ZNF609: variants seen among roughly 807,000 people sequenced by gnomAD.
ZNF609 encodes zinc finger protein 609.
ZNF609 carries 11 observed loss-of-function variants against 109.5 expected under a neutral mutation model. The ratio of observed to expected loss-of-function variants is 0.10; its 90% confidence interval spans 0.06 to 0.17. The LOEUF is 0.17. Ranked by LOEUF, ZNF609 falls within the 10% of genes least tolerant of loss-of-function variation. ZNF609 has a pLI of 1.00. For missense variants in ZNF609, 1,559 were observed against 1,772.4 expected (o/e 0.88, Z 2.16); for synonymous variants, 646 against 662.0 (o/e 0.98, Z 0.37).
chr15:64,481,943 C>G (rs191371274), intron 1 of ZNF609, among the ~76,000 whole-genome samples: 1 of 151,982 alleles, frequency 6.6e-6, no homozygotes, highest in African/African-American at 2.4e-5. Flanking sequence ...CGCCACCACA[C>G]CTGGCTAATT....
chr15:64,563,305 C>G (rs1187424025), intron 2 of ZNF609, among the ~76,000 whole-genome samples: 1 of 142,746 alleles, frequency 7.0e-6, no homozygotes, highest in African/African-American at 2.7e-5. Flanking sequence ...CAGAAATTAG[C>G]CAGGTGTGGT....
At chr15:64,508,669 C>T (rs1893669917) in intron 2 of ZNF609, among the ~76,000 whole-genome samples, 1 of 150,536 alleles carries the variant, frequency 6.6e-6, no homozygotes, top group Admixed American at 6.6e-5. Flanking sequence ...AAACTCTAGG[C>T]TTGAGACCCA....
At chr15:64,544,321 A>G (rs1051277746) in intron 2 of ZNF609, among the ~76,000 whole-genome samples, 1 of 152,222 alleles carries the variant, frequency 6.6e-6, no homozygotes, top group Non-Finnish European at 1.5e-5. Flanking sequence ...CCTGGGTGAC[A>G]GAGTGAGACT....
intron 2 of ZNF609, chr15:64,500,758 A>G (rs1893550376): frequency 3.6e-6 from 1 of 278,174 alleles, no homozygotes; most frequent in Non-Finnish European, 6.8e-6. Flanking sequence ...AGATCTTATG[A>G]GTTATTGTTG....
At chr15:64,666,959 C>A (rs2141008842) in intron 3 of ZNF609, among the ~76,000 whole-genome samples, 1 of 152,174 alleles carries the variant, frequency 6.6e-6, no homozygotes, top group South Asian at 2.1e-4. Context: ...AACCCTGTCT[C>A]TACTAAAAAA....
intron 2 of ZNF609, among the ~76,000 whole-genome samples, chr15:64,594,311 G>A (rs1895353452): frequency 2.0e-5 from 3 of 151,996 alleles, no homozygotes; most frequent in African/African-American, 7.3e-5. Flanking sequence ...ACCAGAAAAG[G>A]CGAAGACTTG....
At chr15:64,541,007 G>A (rs1194752258) in intron 2 of ZNF609, among the ~76,000 whole-genome samples, 1 of 128,702 alleles carries the variant, frequency 7.8e-6, no homozygotes, top group Non-Finnish European at 1.6e-5. Flanking sequence ...CAGCCTGGGC[G>A]ACAGAGTAAG....
At chr15:64,676,341 G>T (rs1446562457) in intron 5 of ZNF609, 85 bp downstream of exon 5, 5 of 1,306,056 alleles carry the variant, frequency 3.8e-6, no homozygotes, top group African/African-American at 2.9e-5. Flanking sequence ...TTATACAGGG[G>T]TTCAACGGAA....
intron 3 of ZNF609, among the ~76,000 whole-genome samples, chr15:64,625,914 A>AATAT (rs1330194907): frequency 5.8e-4 from 60 of 103,040 alleles, no homozygotes; most frequent in South Asian, 1.5e-3. Flanking sequence ...AAAAAAAAAA[A>AATAT]ATATATATAT....
intron 3 of ZNF609, among the ~76,000 whole-genome samples, chr15:64,628,283 G>A (rs898909304): frequency 5.3e-5 from 8 of 151,820 alleles, no homozygotes; most frequent in African/African-American, 1.9e-4. Flanking sequence ...GCTGGGTGAC[G>A]GAGTGAGACC....
At chr15:64,645,862 AT>A (rs1896327240) in intron 3 of ZNF609, among the ~76,000 whole-genome samples, 1 of 152,236 alleles carries the variant, frequency 6.6e-6, no homozygotes, top group Non-Finnish European at 1.5e-5. Context: ...GATGGTTGTT[AT>A]CAAAAATGTG....
At chr15:64,577,784 A>G (rs969273395) in intron 2 of ZNF609, among the ~76,000 whole-genome samples, 3 of 151,094 alleles carry the variant, frequency 2.0e-5, no homozygotes, top group East Asian at 1.9e-4. Flanking sequence ...GCTTGAACCC[A>G]GGAGTCAGAG....
At chr15:64,595,024 G>A (rs1211710722) in intron 2 of ZNF609, among the ~76,000 whole-genome samples, 29 of 145,862 alleles carry the variant, frequency 2.0e-4, no homozygotes, top group Admixed American at 2.8e-4. Flanking sequence ...AAAGAAAAAA[G>A]AAAAGAATGT....
chr15:64,625,928 TATATATATAGAGAG>T (rs1379186235), intron 3 of ZNF609, among the ~76,000 whole-genome samples: 67 of 73,596 alleles, frequency 9.1e-4, no homozygotes, highest in Admixed American at 1.2e-3. Flanking sequence ...TATATATATA[TATATATATAGAGAG>T]AGAGAGAGAG....
At chr15:64,652,699 T>C (rs1392667558) in intron 3 of ZNF609, among the ~76,000 whole-genome samples, 1 of 152,170 alleles carries the variant, frequency 6.6e-6, no homozygotes, top group Admixed American at 6.6e-5. Flanking sequence ...ACACTTGGCT[T>C]ATTTTTTAAA....
At chr15:64,643,533 G>A (rs563638021) in intron 3 of ZNF609, among the ~76,000 whole-genome samples, 1 of 152,048 alleles carries the variant, frequency 6.6e-6, no homozygotes, top group African/African-American at 2.4e-5. Flanking sequence ...ATCATTTAGT[G>A]GTGGTTAAAA....
rs2141024271 is a variant in ZNF609, at chr15:64,686,066, A to G, written c.*4380A>G. The stretch of plus-strand genomic sequence containing the variant: ...TAAAGTTTTTAATGTCCCTGTTCTT[A>G]AATTTAGACTTAGTTTGCCTTTCAC... On this transcript the variant is annotated 3_prime_UTR_variant, in exon 10 of 10. Transcript: ENST00000326648. The G allele has an allele frequency of 6.6e-6, 1 of 152,184 alleles. No individual in the cohort carries two copies. Among genetic ancestry groups the G allele is most frequent in the African/African-American group, 2.4e-5 (1 of 41,534 alleles). 9.4% of individuals were successfully genotyped at this position (152,184 alleles called of 1,614,324 possible).
intron 2 of ZNF609, among the ~76,000 whole-genome samples, chr15:64,553,336 G>C (rs1472907791): frequency 1.3e-5 from 2 of 150,368 alleles, no homozygotes; most frequent in Non-Finnish European, 2.9e-5. Flanking sequence ...TAAATATGGA[G>C]AGAATTGCCA....
intron 2 of ZNF609, among the ~76,000 whole-genome samples, chr15:64,536,289 T>C (rs1894142178): frequency 6.6e-6 from 1 of 152,168 alleles, no homozygotes; most frequent in Admixed American, 6.5e-5. Flanking sequence ...CCCAAAGTGT[T>C]GGGATTACAG....
Sources: gnomAD v4.1 joint callset for allele counts (sites outside exome capture counted in the v4.1 genomes callset) on GRCh38, gnomAD v4.1.1 for gene constraint, MANE v1.5 for transcripts, NCBI Gene and HGNC (gene_info 2026-07-23, HGNC 2026-07-21) for gene names.